SLC9B1: variants seen among roughly 807,000 people sequenced by gnomAD.
The protein encoded by SLC9B1 is sodium/hydrogen exchanger 9B1.
In SLC9B1, 32 loss-of-function variants were observed where a neutral mutation model predicts 51.7. The ratio of observed to expected loss-of-function variants is 0.62; its 90% CI spans 0.47 to 0.83. SLC9B1 has a LOEUF of 0.83. Ranked by LOEUF, SLC9B1 falls within the 40% of genes least tolerant of loss-of-function variation. The pLI, the probability that SLC9B1 is intolerant of heterozygous loss-of-function variation, is 0.00. For missense variants in SLC9B1, 406 were observed against 613.2 expected, an observed-to-expected ratio of 0.66 and a Z score of 3.57; for synonymous variants, 145 against 212.7, an observed-to-expected ratio of 0.68 and a Z score of 2.77.
At chr4:103,011,174 A>G (rs1741069349) in intron 1 of SLC9B1, among the ~76,000 whole-genome samples, 2 of 152,234 alleles carry the variant, frequency 1.3e-5, no homozygotes, top group East Asian at 1.9e-4. Flanking sequence ...CCTTTTCAAA[A>G]GGGAGGAAAT....
intron 2 of SLC9B1, among the ~76,000 whole-genome samples, chr4:102,990,219 A>G (rs1177791455): frequency 1.3e-5 from 2 of 152,048 alleles, no homozygotes; most frequent in Non-Finnish European, 2.9e-5. Context: ...GTTTGGGCAC[A>G]ATAATTAAAA....
chr4:102,925,554 C>CA (rs1167999962), intron 7 of SLC9B1, among the ~76,000 whole-genome samples: 10 of 150,910 alleles, frequency 6.6e-5, no homozygotes, highest in South Asian at 2.1e-4. Context: ...AGTATAATAA[C>CA]AAAAAAAACT....
intron 7 of SLC9B1, among the ~76,000 whole-genome samples, chr4:102,922,609 A>C (rs2110445718): frequency 6.6e-6 from 1 of 152,272 alleles, no homozygotes; most frequent in Middle Eastern, 3.4e-3. Context: ...AAAGTCAATG[A>C]ATCCAGGAGC....
intron 11 of SLC9B1, among the ~76,000 whole-genome samples, chr4:102,901,916 T>C (rs1030885981): frequency 6.6e-6 from 1 of 152,168 alleles, no homozygotes; most frequent in African/African-American, 2.4e-5. Context: ...TACTTATGTG[T>C]AAAATGAAGA....
rs527515957 is a variant in SLC9B1, at chr4:103,012,602, C to G, written c.-2+6997G>C. Among the ~76,000 whole-genome samples, 96 of 152,332 alleles carry G rather than the reference C, an allele frequency of 6.3e-4. 1 individual carries two copies. Among genetic ancestry groups the G allele is most frequent in the African/African-American group, 2.2e-3 (93 of 41,570 alleles). ...CAATAATAGGCATTTGTTATAGGAACACTCCACTTCTTAGTAACAATTTCT... is the reference window on the plus strand; with the variant it reads ...CAATAATAGGCATTTGTTATAGGAAGACTCCACTTCTTAGTAACAATTTCT... On this transcript the variant is annotated intron_variant, in intron 1 of 11. Coordinates refer to ENST00000296422, the MANE Select transcript of SLC9B1 (RefSeq NM_139173.4).
intron 9 of SLC9B1, among the ~76,000 whole-genome samples, chr4:102,909,007 T>C (rs561253200): frequency 1.2e-4 from 19 of 152,402 alleles, no homozygotes; most frequent in African/African-American, 4.6e-4. Flanking sequence ...CTACAAGAAT[T>C]GGATGGTGAG....
chr4:102,898,152 G>C, downstream of SLC9B1: 1 of 515,476 alleles, frequency 1.9e-6, no homozygotes, highest in Admixed American at 2.0e-5. Flanking sequence ...TACTAAGGTT[G>C]ACAAAGGTAT....
intron 1 of SLC9B1, among the ~76,000 whole-genome samples, chr4:103,015,858 C>T (rs766375753): frequency 4.6e-5 from 7 of 151,898 alleles, no homozygotes; most frequent in Non-Finnish European, 8.8e-5. Flanking sequence ...TGGTTGGGTG[C>T]GGTGGCTCAC....
intron 6 of SLC9B1, among the ~76,000 whole-genome samples, chr4:102,943,561 C>T (rs1409701106): frequency 2.7e-5 from 4 of 146,284 alleles, no homozygotes; most frequent in Non-Finnish European, 6.0e-5. Context: ...ACTACTCAGC[C>T]ATAAAAAGGA....
chr4:103,010,456 A>C (rs922365063), intron 1 of SLC9B1, among the ~76,000 whole-genome samples: 12 of 152,216 alleles, frequency 7.9e-5, no homozygotes, highest in African/African-American at 2.9e-4. Flanking sequence ...AATCAACATG[A>C]GTTTTGGAGG....
chr4:102,950,418 T>A (rs1418409969), intron 3 of SLC9B1, among the ~76,000 whole-genome samples: 1 of 152,208 alleles, frequency 6.6e-6, no homozygotes, highest in Admixed American at 6.5e-5. Context: ...TAGGTTTCTA[T>A]AAAGGACAGA....
chr4:102,937,464 T>C (rs1159932667), intron 6 of SLC9B1, among the ~76,000 whole-genome samples: 4 of 133,288 alleles, frequency 3.0e-5, no homozygotes, highest in African/African-American at 5.6e-5. Flanking sequence ...TGGTGGCTCA[T>C]GCCTGTAATC....
chr4:102,926,009 C>T (rs1219724654), intron 7 of SLC9B1, among the ~76,000 whole-genome samples: 1 of 152,246 alleles, frequency 6.6e-6, no homozygotes, highest in South Asian at 2.1e-4. Context: ...ATGATTATCT[C>T]AATAGATGCA....
intron 1 of SLC9B1, among the ~76,000 whole-genome samples, chr4:102,995,677 G>T (rs1394632975): frequency 6.6e-6 from 1 of 152,142 alleles, no homozygotes; most frequent in African/African-American, 2.4e-5. Context: ...GAATTGGTAG[G>T]TGGTATGCCT....
Position 102,886,529 on chromosome 4 carries a change from A to G in SLC9B1, c.1333-1201T>C, listed in dbSNP as rs565233666. On this transcript the variant is annotated intron_variant, in intron 11 of 11. Transcript: ENST00000394789. ...AAAAGAATACACACAATAAATGCATAGGAAAAAATATACCAAACTGTTAAT... is the reference window on the plus strand; with the variant it reads ...AAAAGAATACACACAATAAATGCATGGGAAAAAATATACCAAACTGTTAAT... Among the ~76,000 whole-genome samples the G allele has an allele frequency of 1.3e-5, 2 of 152,298 alleles. 1 individual carries two copies. Among genetic ancestry groups the G allele is most frequent in the South Asian group, 4.1e-4 (2 of 4,824 alleles).
intron 1 of SLC9B1, chr4:103,016,905 T>C (rs1480401633): frequency 1.3e-5 from 2 of 152,290 alleles, no homozygotes; most frequent in East Asian, 1.9e-4. Flanking sequence ...TAGTTTTCCA[T>C]ATGCTGGTGA....
At chr4:103,002,241 C>A (rs1277465786) in intron 1 of SLC9B1, among the ~76,000 whole-genome samples, 1 of 152,192 alleles carries the variant, frequency 6.6e-6, no homozygotes, top group Non-Finnish European at 1.5e-5. Flanking sequence ...TGGTTTATTT[C>A]TACTGTCCAT....
intron 1 of SLC9B1, among the ~76,000 whole-genome samples, chr4:103,006,640 A>G (rs1014112606): frequency 6.6e-6 from 1 of 152,234 alleles, no homozygotes; most frequent in African/African-American, 2.4e-5. Context: ...AAGTCATTCT[A>G]TGAGGATAGC....
At chr4:102,919,809 G>C (rs1221946809) in intron 7 of SLC9B1, among the ~76,000 whole-genome samples, 2 of 152,198 alleles carry the variant, frequency 1.3e-5, no homozygotes, top group Admixed American at 1.3e-4. Flanking sequence ...CACTACTAGC[G>C]CAACAGTCTG....
Sources: gnomAD v4.1 joint callset for allele counts (sites outside exome capture counted in the v4.1 genomes callset) on GRCh38, gnomAD v4.1.1 for gene constraint, MANE v1.5 for transcripts, NCBI Gene and HGNC (gene_info 2026-07-23, HGNC 2026-07-21) for gene names.